Variants in EXOC2 observed in about 807,000 individuals in gnomAD.
The protein encoded by EXOC2 is exocyst complex component 2, also known as SEC5-like 1.
A neutral mutation model predicts 131.8 loss-of-function variants in EXOC2; 70 were observed. The ratio of observed to expected loss-of-function variants is 0.53; its 90% confidence interval spans 0.44 to 0.65. The LOEUF (loss-of-function observed/expected upper bound fraction) is 0.65, where lower values mean the gene tolerates loss of function less well. EXOC2 is among the 30% of genes least tolerant of loss of function. EXOC2 has a pLI of 0.00. For synonymous variants in EXOC2, 411 were observed against 398.4 expected (o/e 1.03, Z -0.38); for missense variants, 923 against 1,108.6 (o/e 0.83, Z 2.38).
At chr6:557,634 A>AG (rs1757490086) in intron 17 of EXOC2, among the ~76,000 whole-genome samples, 1 of 151,006 alleles carries the variant, frequency 6.6e-6, no homozygotes, top group Non-Finnish European at 1.5e-5. Context: ...AAAAAAAAAA[A>AG]AGAAAAGAAG....
rs566690308 is a variant in EXOC2 at position 556,110 on chromosome 6, C to T, written c.1933-97G>A. The T allele has an allele frequency of 4.5e-6, 5 of 1,101,614 alleles. No individual in the cohort carries two copies. The African/African-American group carries it at 6.2e-5, about 14-fold the overall frequency. The allele number at this position is 1,101,614 out of a possible 1,614,324, so 68.2% of individuals were successfully genotyped here. Reference sequence around the variant, plus strand: ...TGAACAGTTAAAACGTGGAACGCTGCTGCAGGAGTGGTGCCCTTCCTATAA... The same window carrying T: ...TGAACAGTTAAAACGTGGAACGCTGTTGCAGGAGTGGTGCCCTTCCTATAA... On this transcript the variant is annotated intron_variant, in intron 18 of 27. Transcript: ENST00000230449.
intron 13 of EXOC2, among the ~76,000 whole-genome samples, chr6:567,625 T>C (rs980013000): frequency 3.3e-5 from 5 of 151,888 alleles, no homozygotes; most frequent in African/African-American, 1.2e-4. Flanking sequence ...GCATGTGTTA[T>C]ACATTAATGT....
intron 23 of EXOC2, among the ~76,000 whole-genome samples, chr6:518,943 T>C (rs1765310315): frequency 6.6e-6 from 1 of 152,196 alleles, no homozygotes; most frequent in Admixed American, 6.5e-5. Flanking sequence ...GACTTAGGCT[T>C]CCCTCTTCAG....
chr6:659,276 T>C (rs944992537), intron 1 of EXOC2, among the ~76,000 whole-genome samples: 4 of 152,248 alleles, frequency 2.6e-5, no homozygotes, highest in African/African-American at 9.6e-5. Context: ...GAAAGCATCT[T>C]TGTCTTATTT....
intron 2 of EXOC2, among the ~76,000 whole-genome samples, chr6:635,498 C>T (rs754744568): frequency 4.6e-5 from 7 of 152,078 alleles, no homozygotes; most frequent in South Asian, 2.1e-4. Context: ...GAAAAAAGAT[C>T]GTTAAGACCT....
chr6:659,688 G>A (rs1360810380), intron 1 of EXOC2, among the ~76,000 whole-genome samples: 2 of 152,222 alleles, frequency 1.3e-5, no homozygotes, highest in South Asian at 2.1e-4. Context: ...CAGGGGTAGA[G>A]GCAGCAGAAA....
chr6:622,763 A>G (rs761303920), intron 4 of EXOC2, among the ~76,000 whole-genome samples: 1 of 152,224 alleles, frequency 6.6e-6, no homozygotes, highest in African/African-American at 2.4e-5. Flanking sequence ...CAATGCTTAA[A>G]TTGGTGGTAC....
chr6:562,992 G>A (rs750839732), intron 16 of EXOC2, 147 bp from the exon 17 acceptor site: 1 of 514,874 alleles, frequency 1.9e-6, no homozygotes, highest in Non-Finnish European at 3.2e-6. Flanking sequence ...TATAATTTTG[G>A]TAGACTTGAT....
intron 19 of EXOC2, among the ~76,000 whole-genome samples, chr6:555,687 G>A (rs1757380071): frequency 1.3e-5 from 2 of 152,122 alleles, no homozygotes; most frequent in South Asian, 4.1e-4. Flanking sequence ...TTTACGTTGT[G>A]CTCGAACAGA....
At chr6:664,901 C>A (rs546680459) in intron 1 of EXOC2, among the ~76,000 whole-genome samples, 3 of 152,152 alleles carry the variant, frequency 2.0e-5, no homozygotes, top group African/African-American at 7.2e-5. Context: ...TGCCAAGAAC[C>A]CAAAAGCAAA....
At chr6:537,145 C>T (rs919808681) in intron 22 of EXOC2, among the ~76,000 whole-genome samples, 5 of 152,254 alleles carry the variant, frequency 3.3e-5, no homozygotes, top group African/African-American at 2.4e-5. Context: ...AGTTTATAAC[C>T]GAGTTTATGA....
intron 22 of EXOC2, among the ~76,000 whole-genome samples, chr6:548,355 C>G (rs1037802384): frequency 6.6e-6 from 1 of 152,134 alleles, no homozygotes; most frequent in East Asian, 1.9e-4. Flanking sequence ...AGATCATTAT[C>G]GTTCTCATTC....
intron 22 of EXOC2, among the ~76,000 whole-genome samples, chr6:535,940 T>C (rs1039801818): frequency 6.6e-5 from 10 of 152,082 alleles, no homozygotes; most frequent in African/African-American, 2.4e-4. Flanking sequence ...TAAAAACATA[T>C]CATGCAGAAG....
intron 13 of EXOC2, among the ~76,000 whole-genome samples, chr6:566,254 G>C (rs141834574): frequency 2.2e-3 from 333 of 152,262 alleles, no homozygotes; most frequent in Non-Finnish European, 3.5e-3. Flanking sequence ...TAAGACAAAT[G>C]AGAAGGAACT....
chr6:616,407 T>G (rs1040186071), intron 6 of EXOC2, among the ~76,000 whole-genome samples: 2 of 151,746 alleles, frequency 1.3e-5, no homozygotes, highest in African/African-American at 4.8e-5. Flanking sequence ...ATCGAGACCA[T>G]CCTGGCTAAC....
chr6:681,492 T>G (rs1581683281), intron 1 of EXOC2, among the ~76,000 whole-genome samples: 1 of 152,346 alleles, frequency 6.6e-6, no homozygotes, highest in East Asian at 1.9e-4. Flanking sequence ...TTTAAATGTT[T>G]AAACCAAAAT....
At chr6:672,484 A>G (rs192271414) in intron 1 of EXOC2, among the ~76,000 whole-genome samples, 1 of 152,178 alleles carries the variant, frequency 6.6e-6, no homozygotes, top group African/African-American at 2.4e-5. Context: ...CTGCCGTGTA[A>G]TTTTTTGTTC....
At chr6:667,605 C>T (rs1763674157) in intron 1 of EXOC2, among the ~76,000 whole-genome samples, 1 of 97,214 alleles carries the variant, frequency 1.0e-5, no homozygotes, top group South Asian at 3.3e-4. Flanking sequence ...CCATCTTTTC[C>T]TGCTCTTGAA....
chr6:680,163 T>A (rs958369314), intron 1 of EXOC2, among the ~76,000 whole-genome samples: 2 of 152,232 alleles, frequency 1.3e-5, no homozygotes, highest in South Asian at 4.1e-4. Context: ...ACTTTCATGT[T>A]GTTTGTTGAG....
Sources: allele counts gnomAD v4.1 joint callset (sites outside exome capture counted in the v4.1 genomes callset), GRCh38; gene constraint gnomAD v4.1.1; transcripts MANE v1.5; gene names NCBI Gene and HGNC (gene_info 2026-07-23, HGNC 2026-07-21).